SORL1: variants seen among roughly 807,000 people sequenced by gnomAD.
The protein encoded by SORL1 is sortilin-related receptor.
SORL1 carries 127 observed loss-of-function variants against 273.7 expected under a neutral mutation model. The ratio of observed to expected loss-of-function variants is 0.46; its 90% CI spans 0.40 to 0.54. The LOEUF (loss-of-function observed/expected upper bound fraction) is 0.54. Among genes scored for constraint, SORL1 ranks in the 20% least tolerant of loss-of-function variants. SORL1 has a pLI of 0.00. For missense variants in SORL1, 2,494 were observed against 2,846.1 expected, an observed-to-expected ratio of 0.88 and a Z score of 2.81; for synonymous variants, 1,031 against 1,067.4, an observed-to-expected ratio of 0.97 and a Z score of 0.66.
intron 36 of SORL1, 114 bp from the exon 37 acceptor site, chr11:121,607,072 G>A (rs971510130): frequency 8.9e-6 from 9 of 1,008,248 alleles, no homozygotes; most frequent in Middle Eastern, 2.1e-4. Flanking sequence ...TGACCCATCC[G>A]TCAGAACATT....
chr11:121,557,439 G>A (rs781589952), intron 19 of SORL1, 34 bp downstream of exon 19: 6 of 1,441,232 alleles, frequency 4.2e-6, no homozygotes, highest in South Asian at 1.1e-5. Flanking sequence ...TCAGTCTTGC[G>A]TCCAATGCTA....
chr11:121,517,388 G>A (rs1289568968), intron 8 of SORL1, among the ~76,000 whole-genome samples: 1 of 152,090 alleles, frequency 6.6e-6, no homozygotes, highest in Non-Finnish European at 1.5e-5. Context: ...TGTTTTCAAG[G>A]TTCATCCGTG....
chr11:121,552,615 A>T (rs1862522356), intron 16 of SORL1, among the ~76,000 whole-genome samples: 1 of 152,190 alleles, frequency 6.6e-6, no homozygotes, highest in Non-Finnish European at 1.5e-5. Flanking sequence ...CCAAAAGGGG[A>T]GGTAGGTTAC....
intron 8 of SORL1, among the ~76,000 whole-genome samples, chr11:121,514,846 G>A (rs1334266010): frequency 1.3e-5 from 2 of 152,174 alleles, no homozygotes; most frequent in Admixed American, 6.5e-5. Flanking sequence ...AGCAGTGGGC[G>A]GTCTCGGAGC....
At chr11:121,457,033 T>C (rs147688048) in intron 1 of SORL1, among the ~76,000 whole-genome samples, 1 of 152,374 alleles carries the variant, frequency 6.6e-6, no homozygotes, top group Non-Finnish European at 1.5e-5. Flanking sequence ...GGCTTTTATG[T>C]AGCTGAAGAG....
At chr11:121,465,372 C>G (rs1175292617) in intron 1 of SORL1, among the ~76,000 whole-genome samples, 1 of 152,092 alleles carries the variant, frequency 6.6e-6, no homozygotes, top group Non-Finnish European at 1.5e-5. Context: ...TTTTAATGAC[C>G]ATCCCAAATC....
chr11:121,520,618 A>G (rs1175592809), intron 8 of SORL1, 39 bp from the exon 9 acceptor site: 1 of 1,377,562 alleles, frequency 7.3e-7, no homozygotes, highest in Non-Finnish European at 9.9e-7. Context: ...ACAAGCAAAT[A>G]CCAATTCAGG....
rs1861916561 is a variant in SORL1, at chr11:121,514,074, T to A, written c.1042-78T>A. On this transcript the variant is annotated intron_variant, in intron 7 of 47. Transcript: ENST00000260197. ...TCATCGCTAGAACATTTGAAAGTCA[T>A]TGCTTCCGTGTGTATAGTAAAAGCC... 57 of 1,447,816 alleles carry A rather than the reference T, an allele frequency of 3.9e-5. 1 individual carries two copies. The South Asian group carries it at 7.2e-4, about 18-fold the overall frequency. The allele number at this position is 1,447,816 out of a possible 1,614,324, so 89.7% of individuals were successfully genotyped here. A position where few individuals can be genotyped will look rare whatever the true frequency, so the allele number is the denominator to read the frequency against.
chr11:121,571,043 G>T (rs1862834077), intron 23 of SORL1, among the ~76,000 whole-genome samples: 1 of 152,206 alleles, frequency 6.6e-6, no homozygotes, highest in Admixed American at 6.5e-5. Flanking sequence ...TCCAGGCTCT[G>T]TGCTGGGCCT....
chr11:121,585,440 G>A (rs1194512938), intron 26 of SORL1, among the ~76,000 whole-genome samples: 1 of 150,944 alleles, frequency 6.6e-6, no homozygotes, highest in African/African-American at 2.4e-5. Context: ...CTGTGATCAC[G>A]CCGCTGCACT....
intron 6 of SORL1, among the ~76,000 whole-genome samples, chr11:121,512,660 C>T (rs1861897125): frequency 6.6e-6 from 1 of 152,210 alleles, no homozygotes; most frequent in Non-Finnish European, 1.5e-5. Flanking sequence ...CTGCGTGTTT[C>T]TTCAGCCTCA....
chr11:121,533,110 G>T (rs1191616474), intron 12 of SORL1, among the ~76,000 whole-genome samples: 4 of 152,154 alleles, frequency 2.6e-5, no homozygotes, highest in Admixed American at 2.6e-4. Context: ...TCTTTAATTT[G>T]TCCTTCTTTG....
intron 24 of SORL1, 161 bp from the exon 25 acceptor site, chr11:121,577,120 A>G: frequency 2.7e-6 from 3 of 1,129,140 alleles, no homozygotes; most frequent in Non-Finnish European, 2.6e-6. Context: ...GGAAGCTGTT[A>G]AATGACCTTT....
intron 5 of SORL1, among the ~76,000 whole-genome samples, 171 bp downstream of exon 5, chr11:121,490,281 G>A (rs1284684500): frequency 6.6e-6 from 1 of 152,196 alleles, no homozygotes; most frequent in Non-Finnish European, 1.5e-5. Context: ...CACTGTGGGA[G>A]AGAGTTGGGG....
At chr11:121,584,094 T>C (rs900823746) in intron 26 of SORL1, among the ~76,000 whole-genome samples, 1 of 152,260 alleles carries the variant, frequency 6.6e-6, no homozygotes, top group Non-Finnish European at 1.5e-5. Context: ...TATACTGTTA[T>C]GCTAGTACCA....
Position 121,611,132 on chromosome 11 carries a change from A to T in SORL1, c.5296A>T (p.Thr1766Ser). Residue 1766 changes from threonine to serine, a missense_variant, in exon 39 of 48, where the codon ACC (threonine) becomes TCC (serine). Thr to Ser is a moderately conservative substitution (Grantham distance 58). Transcript: ENST00000260197. ...CTATGGTGAAAATTATCTAAGCTTC[A>T]CCCTGACCATGGAGAGTGATATCAA... ...DSYGENYLSF[T>S]LTMESDIKVN... The T allele has an allele frequency of 6.2e-7, 1 of 1,613,006 alleles. No homozygotes were observed. The highest frequency in any genetic ancestry group is 1.1e-5 in the South Asian group (1 of 91,050).
At chr11:121,529,104 C>T (rs1135405) in intron 11 of SORL1, among the ~76,000 whole-genome samples, 1 of 152,050 alleles carries the variant, frequency 6.6e-6, no homozygotes, top group African/African-American at 2.4e-5. Flanking sequence ...CATGAATTGT[C>T]CCTTTTATCA....
At chr11:121,485,566 G>A (rs903163758) in intron 3 of SORL1, among the ~76,000 whole-genome samples, 1 of 152,176 alleles carries the variant, frequency 6.6e-6, no homozygotes, top group African/African-American at 2.4e-5. Context: ...TCTTGAAAAC[G>A]TTTAGCTATT....
At chr11:121,594,621 C>G in intron 31 of SORL1, among the ~76,000 whole-genome samples, 1 of 152,116 alleles carries the variant, frequency 6.6e-6, no homozygotes, top group Non-Finnish European at 1.5e-5. Flanking sequence ...TCTTTCTGAA[C>G]GTATTAAGGA....
Sources: gnomAD v4.1 joint callset for allele counts (sites outside exome capture counted in the v4.1 genomes callset) on GRCh38, gnomAD v4.1.1 for gene constraint, MANE v1.5 for transcripts, NCBI Gene and HGNC (gene_info 2026-07-23, HGNC 2026-07-21) for gene names.